MFSD6: variants seen among roughly 807,000 people sequenced by gnomAD.
MFSD6 encodes major facilitator superfamily domain-containing protein 6.
MFSD6 carries 26 observed loss-of-function variants against 56.3 expected under a neutral mutation model. The observed-to-expected ratio is 0.46, with a 90% CI of 0.34 to 0.64. The LOEUF (loss-of-function observed/expected upper bound fraction) is 0.64. Among genes scored for constraint, MFSD6 ranks in the 30% least tolerant of loss-of-function variants. The probability of loss-of-function intolerance (pLI) is 0.01; values close to 1 mark genes in which losing one functional copy is unlikely to be tolerated. For missense variants in MFSD6, 750 were observed against 986.2 expected (o/e 0.76, Z 3.21); for synonymous variants, 331 against 366.9 (o/e 0.90, Z 1.12).
chr2:190,453,353 A>G (rs1278379791), intron 3 of MFSD6, among the ~76,000 whole-genome samples: 5 of 152,048 alleles, frequency 3.3e-5, no homozygotes, highest in Non-Finnish European at 7.4e-5. Context: ...GATGGGGAGG[A>G]TGCCCATTGG....
chr2:190,409,854 G>GT (rs1315268074), intron 1 of MFSD6, among the ~76,000 whole-genome samples: 1 of 152,186 alleles, frequency 6.6e-6, no homozygotes, highest in Non-Finnish European at 1.5e-5. Context: ...TTTAGTGATA[G>GT]TCAGATGGCT....
Position 190,436,255 on chromosome 2 carries a change from T to C in MFSD6, c.226T>C (p.Phe76Leu), listed in dbSNP as rs1559110107. ...TCTTCTAATTTCCAAGGTCTTTTAT[T>C]TTTTCTTTTACTCTGCCTATGGCTC... ...NDLLISKVFY[F>L]FFYSAYGSLY... The change falls in exon 3 of 8, where the codon TTT (phenylalanine) becomes CTT (leucine). Residue 76 changes from phenylalanine (F) to leucine (L), a missense_variant. By Grantham distance (22) the Phe-to-Leu change is conservative. Around this residue, in one of 5 missense-constraint regions of MFSD6, gnomAD observed 76 missense variants for 101.9 expected, o/e 0.75. Transcript: ENST00000392328. This position sits in a 1 kb window ranked among gnomAD's most constrained non-coding sequence, Gnocchi z 5.3. 6.2e-7 allele frequency: 1 copy of C among 1,614,000 alleles called. No individual in the cohort carries two copies. Among genetic ancestry groups the C allele is most frequent in the Non-Finnish European group, 8.5e-7 (1 of 1,179,970 alleles).
In MFSD6 at chr2:190,500,174, G is replaced by A. The variant is rs913107585; in HGVS notation, c.2332G>A (p.Glu778Lys). The change falls in exon 8 of 8, where the codon GAG becomes AAG. Residue 778 changes from glutamate to lysine, a missense_variant. Around this residue, in one of 5 missense-constraint regions of MFSD6, gnomAD observed 172 missense variants for 203.9 expected, o/e 0.84. Coordinates refer to ENST00000392328, the MANE Select transcript of MFSD6 (RefSeq NM_017694.4). The surrounding 1 kb of genome is among the most constrained non-coding windows in gnomAD (Gnocchi z 5.3). ...AHPSVDPCTE[E>K]SEEQQAQLAA... ...CCCCAGTGTGGACCCGTGCACAGAG[G>A]AGAGTGAAGAGCAGCAGGCTCAGCT... The A allele has an allele frequency of 6.2e-6, 10 of 1,614,162 alleles. No homozygotes were observed. The highest frequency in any genetic ancestry group is 2.7e-5 in the African/African-American group (2 of 75,030).
rs1689062987 is a variant in MFSD6, at chr2:190,487,197, TG to T, written c.1631-1455del. 6.8e-6 allele frequency among the ~76,000 whole-genome samples: 1 copy of T among 146,834 alleles called. No individual in the cohort carries two copies. Among genetic ancestry groups the T allele is most frequent in the Non-Finnish European group, 1.5e-5 (1 of 66,548 alleles). On this transcript the variant is annotated intron_variant, in intron 4 of 7. Transcript: ENST00000392328. The surrounding 1 kb of genome is among the most constrained non-coding windows in gnomAD (Gnocchi z 5.5). ...CTCTACTAAAAATACAAAAATTAGCTGGGGGTGGTGGCGGGCACTTGTAGTC... is the reference window on the plus strand; with the variant it reads ...CTCTACTAAAAATACAAAAATTAGCTGGGGTGGTGGCGGGCACTTGTAGTC...
intron 3 of MFSD6, among the ~76,000 whole-genome samples, chr2:190,448,236 G>C (rs1220937022): frequency 2.0e-5 from 3 of 152,134 alleles, no homozygotes; most frequent in Admixed American, 1.3e-4. Flanking sequence ...CCACTGTGGA[G>C]ACCAATTTAG....
rs1689091650 is a variant in MFSD6, at chr2:190,487,708, A to G, written c.1631-949A>G. Among the ~76,000 whole-genome samples, 1 of 152,232 alleles carries G rather than the reference A, an allele frequency of 6.6e-6. No individual in the cohort carries two copies. On this transcript the variant is annotated intron_variant, in intron 4 of 7. Transcript: ENST00000392328. This position sits in a 1 kb window ranked among gnomAD's most constrained non-coding sequence, Gnocchi z 5.5. ...TCAACAACATGAGAAACTGCTTCAC[A>G]TTCATTATGATTGCTATTTTAAAAA...
rs114961225 is a variant in MFSD6, at chr2:190,459,932, T to C, written c.1533-9826T>C. Among the ~76,000 whole-genome samples the C allele has an allele frequency of 0.011, 1,666 of 152,360 alleles. 34 individuals carry two copies. Among genetic ancestry groups the C allele is most frequent in the African/African-American group, 0.037 (1,538 of 41,588 alleles). ...TCTCTGACATACAATGTGATTCTTA[T>C]GCTCTGTTCTACAAGGATGGGTCAG... On this transcript the variant is annotated intron_variant, in intron 3 of 7. Coordinates refer to ENST00000392328, the MANE Select transcript of MFSD6 (RefSeq NM_017694.4). The surrounding 1 kb of genome is among the most constrained non-coding windows in gnomAD (Gnocchi z 5.3).
At position 190,469,723 on chromosome 2, in the gene MFSD6, T is replaced by TA; in HGVS notation, c.1533-35_1533-34insA. The TA allele has an allele frequency of 5.0e-6, 6 of 1,202,864 alleles. No individual in the cohort carries two copies. The highest frequency in any genetic ancestry group is 4.2e-5 in the South Asian group (2 of 47,858). 74.5% of individuals were successfully genotyped at this position (1,202,864 alleles called of 1,614,324 possible). On this transcript the variant is annotated intron_variant, in intron 3 of 7. Transcript: ENST00000392328. This position sits in a 1 kb window ranked among gnomAD's most constrained non-coding sequence, Gnocchi z 5.3. ...GACTCAGTTTATTTTCCTTTGCTTT[T>TA]TTTTATTTTATTTTTATTTTTTATT...
chr2:190,488,343 C>G lies in MFSD6; in HGVS notation c.1631-314C>G, dbSNP rs950250175. 6.6e-6 allele frequency among the ~76,000 whole-genome samples: 1 copy of G among 152,072 alleles called. No homozygotes were observed. The highest frequency in any genetic ancestry group is 1.5e-5 in the Non-Finnish European group (1 of 67,996). On this transcript the variant is annotated intron_variant, in intron 4 of 7. Coordinates refer to ENST00000392328, the MANE Select transcript of MFSD6 (RefSeq NM_017694.4). The surrounding 1 kb of genome is among the most constrained non-coding windows in gnomAD (Gnocchi z 6.4). ...ATGAATGGGAGTCACATTCAAGAGA[C>G]AGGAAGTAGAATGGTGGTTGTCAGG...
In MFSD6 at chr2:190,431,696, A is replaced by AGAGAGG. The variant is rs1491157710; in HGVS notation, c.-53-4270_-53-4265dup. On this transcript the variant is annotated intron_variant, in intron 2 of 7. Coordinates refer to ENST00000392328, the MANE Select transcript of MFSD6 (RefSeq NM_017694.4). This position sits in a 1 kb window ranked among gnomAD's most constrained non-coding sequence, Gnocchi z 4.4. The stretch of plus-strand genomic sequence containing the variant: ...GCTCAGCATCAGGGAGACCGTGGAA[A>AGAGAGG]GAGAGGGAGAGGGAGACTGTGGGGA... Among the ~76,000 whole-genome samples the AGAGAGG allele has an allele frequency of 1.1e-5, 1 of 92,186 alleles. No homozygotes were observed. Among genetic ancestry groups the AGAGAGG allele is most frequent in the Non-Finnish European group, 3.2e-5 (1 of 31,576 alleles). The allele number at this position is 92,186 out of a possible 152,430, so 60.5% of individuals were successfully genotyped here. A position where few individuals can be genotyped will look rare whatever the true frequency, so the allele number is the denominator to read the frequency against.
At chr2:190,422,415 T>A (rs1180650424) in intron 2 of MFSD6, among the ~76,000 whole-genome samples, 1 of 152,286 alleles carries the variant, frequency 6.6e-6, no homozygotes, top group East Asian at 1.9e-4. Context: ...TTTCGCTTGA[T>A]TTATCCTTTT....
At position 190,469,692 on chromosome 2, in the gene MFSD6, A is replaced by C; in HGVS notation, c.1533-66A>C. ...GTTTTGTACACATATTAGATTGTAT[A>C]TTAGGGACTCAGTTTATTTTCCTTT... On this transcript the variant is annotated intron_variant, in intron 3 of 7. Coordinates refer to ENST00000392328, the MANE Select transcript of MFSD6 (RefSeq NM_017694.4). The surrounding 1 kb of genome is among the most constrained non-coding windows in gnomAD (Gnocchi z 5.3). 1.1e-6 allele frequency: 1 copy of C among 949,576 alleles called. No homozygotes were observed. The highest frequency in any genetic ancestry group is 1.4e-6 in the Non-Finnish European group (1 of 691,598). The allele number at this position is 949,576 out of a possible 1,614,324, so 58.8% of individuals were successfully genotyped here.
chr2:190,474,535 A>C (rs1321200601), intron 4 of MFSD6, among the ~76,000 whole-genome samples: 6 of 152,248 alleles, frequency 3.9e-5, no homozygotes, highest in Non-Finnish European at 1.5e-5. Flanking sequence ...GAATCTCTGA[A>C]TAGACCAATA....
chr2:190,491,591 A>C lies in MFSD6; in HGVS notation c.1891+1725A>C, dbSNP rs750566034. On this transcript the variant is annotated intron_variant, in intron 6 of 7. Transcript: ENST00000392328. The surrounding 1 kb of genome is among the most constrained non-coding windows in gnomAD (Gnocchi z 4.2). Reference sequence around the variant, plus strand: ...ACTACAGCCTGGCTGTCAGGAAGCCACATCCCTCAGAAAACAGGGAGAGTA... The same window carrying C: ...ACTACAGCCTGGCTGTCAGGAAGCCCCATCCCTCAGAAAACAGGGAGAGTA... 6.6e-6 allele frequency among the ~76,000 whole-genome samples: 1 copy of C among 152,234 alleles called. No homozygotes were observed. The highest frequency in any genetic ancestry group is 2.1e-4 in the South Asian group (1 of 4,832).
rs1365792579 is a variant in MFSD6 at position 190,438,415 on chromosome 2, C to G, written c.1532+854C>G. On this transcript the variant is annotated intron_variant, in intron 3 of 7. Coordinates refer to ENST00000392328, the MANE Select transcript of MFSD6 (RefSeq NM_017694.4). This position sits in a 1 kb window ranked among gnomAD's most constrained non-coding sequence, Gnocchi z 5.2. The stretch of plus-strand genomic sequence containing the variant: ...CCCGTAGTCCCAGCTACTCGGGAGG[C>G]TGACGCACAAGAATCACTTGAACCC... 6.6e-6 allele frequency among the ~76,000 whole-genome samples: 1 copy of G among 152,138 alleles called. No homozygotes were observed. Among genetic ancestry groups the G allele is most frequent in the Non-Finnish European group, 1.5e-5 (1 of 68,030 alleles).
In MFSD6 at chr2:190,497,696, G is replaced by T. The variant is rs767771342; in HGVS notation, c.2149G>T (p.Ala717Ser). The stretch of plus-strand genomic sequence containing the variant: ...GATGCAACTCACAAGAGACAACCGT[G>T]CTTCTGAGATACAGCCTTTACAGGT... ...EMMQLTRDNRASEIQPLQGTN... is the reference protein window; with the variant it reads ...EMMQLTRDNRSSEIQPLQGTN... Residue 717 changes from alanine (A) to serine (S), a missense_variant, in exon 7 of 8, where the codon GCT (alanine) becomes TCT (serine). By Grantham distance (99) the Ala-to-Ser change is moderately conservative (BLOSUM62 1). Around this residue, in one of 5 missense-constraint regions of MFSD6, gnomAD observed 172 missense variants for 203.9 expected, o/e 0.84. Coordinates refer to ENST00000392328, the MANE Select transcript of MFSD6 (RefSeq NM_017694.4). The surrounding 1 kb of genome is among the most constrained non-coding windows in gnomAD (Gnocchi z 5.2). 13 of 1,613,970 alleles carry T rather than the reference G, an allele frequency of 8.1e-6. No homozygotes were observed. The highest frequency in any genetic ancestry group is 1.0e-5 in the Non-Finnish European group (12 of 1,179,862).
Position 190,499,134 on chromosome 2 carries a change from T to C in MFSD6, c.2173-881T>C, listed in dbSNP as rs56132961. On this transcript the variant is annotated intron_variant, in intron 7 of 7. Transcript: ENST00000392328. The surrounding 1 kb of genome is among the most constrained non-coding windows in gnomAD (Gnocchi z 6.0). ...CTGCACTCCGGCCTAGGCGACAGAG[T>C]GAGACTCCGTCTCAAAATTATAATA... Among the ~76,000 whole-genome samples the C allele has an allele frequency of 0.029, 4,375 of 152,132 alleles. 236 individuals are homozygous for C. The highest frequency in any genetic ancestry group is 0.098 in the African/African-American group (4,083 of 41,458).
chr2:190,430,075 C>G (rs1685916032), intron 2 of MFSD6, among the ~76,000 whole-genome samples: 1 of 151,650 alleles, frequency 6.6e-6, no homozygotes, highest in South Asian at 2.1e-4. Context: ...CAATTTCCAC[C>G]TATAAGTGAG....
intron 2 of MFSD6, among the ~76,000 whole-genome samples, chr2:190,422,964 A>G (rs541117979): frequency 1.3e-5 from 2 of 152,202 alleles, no homozygotes; most frequent in East Asian, 1.9e-4. Flanking sequence ...TCAACACTTC[A>G]TGAAATAAAG....
Sources: gnomAD v4.1 joint callset for allele counts (sites outside exome capture counted in the v4.1 genomes callset) on GRCh38, gnomAD v4.1.1 for gene constraint, gnomAD v4.1.1 regional missense constraint, Gnocchi (gnomAD v3.1) non-coding constraint, MANE v1.5 for transcripts, NCBI Gene and HGNC (gene_info 2026-07-23, HGNC 2026-07-21) for gene names.